The following CDS2 variants were observed in gnomAD, a reference collection of about 807,000 sequenced individuals.
CDS2 encodes the protein CDP-diacylglycerol synthase 2, also known as phosphatidate cytidylyltransferase 2.
Under a neutral mutation model 59.0 loss-of-function variants are expected in CDS2, and 47 were observed. That is an observed-to-expected ratio of 0.80 (90% confidence interval 0.63 to 1.02). The LOEUF is 1.02. Among genes scored for constraint, CDS2 ranks in the 50% least tolerant of loss-of-function variants. CDS2 has a pLI of 0.00. For synonymous variants in CDS2, 207 were observed against 206.4 expected (o/e 1.00, Z -0.02); for missense variants, 356 against 558.9 (o/e 0.64, Z 3.66).
At chr20:5,172,800 G>A (rs1323767596) in intron 1 of CDS2, among the ~76,000 whole-genome samples, 4 of 152,206 alleles carry the variant, frequency 2.6e-5, no homozygotes, top group Admixed American at 6.5e-5. Flanking sequence ...TACTTGAGTG[G>A]TAGGATGGTT....
chr20:5,173,472 G>A lies in CDS2; in HGVS notation c.58-51G>A, dbSNP rs563976152. 6.2e-6 allele frequency: 10 copies of A among 1,605,766 alleles called. No individual in the cohort carries two copies. In the East Asian group the frequency reaches 2.2e-4, roughly 36 times the overall value. On this transcript the variant is annotated intron_variant, in intron 1 of 12. Coordinates refer to ENST00000460006, the MANE Select transcript of CDS2 (RefSeq NM_003818.4). The stretch of plus-strand genomic sequence containing the variant: ...TCATGACAGGCATAGACTTCTCAAT[G>A]GTCTACTCGGCACTTTTGACCTTTT...
chr20:5,135,404 T>A (rs534782315), intron 1 of CDS2, among the ~76,000 whole-genome samples: 1 of 152,354 alleles, frequency 6.6e-6, no homozygotes, highest in African/African-American at 2.4e-5. Context: ...TCCCAGCCCT[T>A]CTGGACTGGC....
rs546709928 is a variant in CDS2, at chr20:5,130,785, C to T, written c.57+3636C>T. Among the ~76,000 whole-genome samples the T allele has an allele frequency of 2.1e-5, 3 of 145,984 alleles. No individual in the cohort carries two copies. The East Asian group carries it at 6.4e-4, about 31-fold the overall frequency. ...CTGGGCAACAAGAGCCAAACAACGT[C>T]TTAAAAGAAAAGAAAAGCTCTGGAG... is the stretch of plus-strand genomic sequence containing the variant. On this transcript the variant is annotated intron_variant, in intron 1 of 12. Coordinates refer to ENST00000460006, the MANE Select transcript of CDS2 (RefSeq NM_003818.4).
intron 1 of CDS2, among the ~76,000 whole-genome samples, chr20:5,136,374 G>C (rs1374090873): frequency 6.6e-6 from 1 of 152,162 alleles, no homozygotes; most frequent in Non-Finnish European, 1.5e-5. Flanking sequence ...CCCGTGCCCA[G>C]GGCAGGATGC....
chr20:5,188,565 G>A (rs145686246), intron 10 of CDS2, among the ~76,000 whole-genome samples: 55 of 152,272 alleles, frequency 3.6e-4, no homozygotes, highest in African/African-American at 1.3e-3. Flanking sequence ...AAACCTACAT[G>A]TATATAATTA....
intron 1 of CDS2, among the ~76,000 whole-genome samples, chr20:5,162,527 G>C (rs1212166934): frequency 6.6e-6 from 1 of 152,172 alleles, no homozygotes; most frequent in East Asian, 1.9e-4. Flanking sequence ...GTTCTGTTTA[G>C]ATGTGTTACT....
chr20:5,155,038 T>C (rs1036462777), intron 1 of CDS2, among the ~76,000 whole-genome samples: 8 of 152,250 alleles, frequency 5.3e-5, no homozygotes, highest in Non-Finnish European at 7.3e-5. Flanking sequence ...TAGGGCAAGA[T>C]TGAACCGCTT....
intron 1 of CDS2, among the ~76,000 whole-genome samples, chr20:5,167,770 G>A (rs1216869473): frequency 6.6e-6 from 1 of 152,208 alleles, no homozygotes; most frequent in Non-Finnish European, 1.5e-5. Flanking sequence ...ATGGTATTCA[G>A]CAGAAAAGTT....
intron 1 of CDS2, among the ~76,000 whole-genome samples, chr20:5,140,770 C>A (rs927902248): frequency 6.6e-6 from 1 of 152,188 alleles, no homozygotes. Flanking sequence ...GCTACCATCA[C>A]AGAAACAACC....
intron 1 of CDS2, among the ~76,000 whole-genome samples, chr20:5,172,723 T>G (rs138895395): frequency 1.2e-4 from 19 of 152,370 alleles, no homozygotes; most frequent in African/African-American, 4.6e-4. Context: ...GTTGTTACTC[T>G]AAGTGATTTA....
rs1443917822 is a variant in CDS2 at position 5,196,537 on chromosome 20, G to A, written c.*6303G>A. ...TGGTGATTTTGTCTCTAGTGAAACT[G>A]TGTTTGCCGATAATCATCCACATAG... On this transcript the variant is annotated 3_prime_UTR_variant, in exon 13 of 13. Coordinates refer to ENST00000460006, the MANE Select transcript of CDS2 (RefSeq NM_003818.4). 6.6e-6 allele frequency: 1 copy of A among 152,254 alleles called. No individual in the cohort carries two copies. The highest frequency in any genetic ancestry group is 1.5e-5 in the Non-Finnish European group (1 of 68,072). 9.4% of individuals were successfully genotyped at this position (152,254 alleles called of 1,614,324 possible).
At chr20:5,163,765 T>G (rs1379137890) in intron 1 of CDS2, among the ~76,000 whole-genome samples, 1 of 151,620 alleles carries the variant, frequency 6.6e-6, no homozygotes, top group Admixed American at 6.6e-5. Context: ...CTATTTAGCA[T>G]TGTGGCTTTC....
chr20:5,176,812 G>A, intron 4 of CDS2, 67 bp downstream of exon 4: 1 of 1,052,626 alleles, frequency 9.5e-7, no homozygotes, highest in South Asian at 1.3e-5. Context: ...GGTACTTACA[G>A]TGACGGTGGG....
At chr20:5,130,877 G>T (rs2090600741) in intron 1 of CDS2, among the ~76,000 whole-genome samples, 1 of 151,616 alleles carries the variant, frequency 6.6e-6, no homozygotes, top group Non-Finnish European at 1.5e-5. Flanking sequence ...GGATCACGAG[G>T]TTAGGAGATC....
chr20:5,185,063 T>G, intron 8 of CDS2, 118 bp downstream of exon 8: 1 of 747,828 alleles, frequency 1.3e-6, no homozygotes, highest in South Asian at 1.6e-5. Context: ...GGCCATGTCT[T>G]CATGTCTTCC....
chr20:5,190,038 GATAATCAGGC>G (rs1425316023), intron 12 of CDS2, 54 bp from the exon 13 acceptor site: 1 of 1,586,106 alleles, frequency 6.3e-7, no homozygotes, highest in Non-Finnish European at 8.6e-7. Flanking sequence ...CAGCCACTCA[GATAATCAGGC>G]CCTGGAAGCT....
intron 1 of CDS2, among the ~76,000 whole-genome samples, chr20:5,135,233 A>C (rs2090639600): frequency 6.6e-6 from 1 of 152,198 alleles, no homozygotes. Context: ...CGGCCATTGT[A>C]ACTAATTTCA....
chr20:5,139,372 CA>C (rs1253457334), intron 1 of CDS2, among the ~76,000 whole-genome samples: 1 of 151,956 alleles, frequency 6.6e-6, no homozygotes, highest in Non-Finnish European at 1.5e-5. Flanking sequence ...CAAAAACAAA[CA>C]AAAAAAGAAA....
intron 1 of CDS2, among the ~76,000 whole-genome samples, chr20:5,139,977 T>G (rs2122966437): frequency 6.6e-6 from 1 of 152,206 alleles, no homozygotes; most frequent in African/African-American, 2.4e-5. Flanking sequence ...TTTTTGGTAT[T>G]TTTTAGTAGA....
Sources: gnomAD v4.1 joint callset for allele counts (sites outside exome capture counted in the v4.1 genomes callset) on GRCh38, gnomAD v4.1.1 for gene constraint, MANE v1.5 for transcripts, NCBI Gene and HGNC (gene_info 2026-07-23, HGNC 2026-07-21) for gene names.